SLAMF1: variants seen among roughly 807,000 people sequenced by gnomAD.
The protein encoded by SLAMF1 is signaling lymphocytic activation molecule.
A neutral mutation model predicts 35.1 loss-of-function variants in SLAMF1; 18 were observed. The ratio of observed to expected loss-of-function variants is 0.51; its 90% CI spans 0.35 to 0.76. The LOEUF is 0.76. SLAMF1 is among the 30% of genes least tolerant of loss of function. The pLI is 0.01. For missense variants in SLAMF1, 392 were observed against 413.0 expected (o/e 0.95, Z 0.44); for synonymous variants, 168 against 157.2 (o/e 1.07, Z -0.51).
At chr1:160,632,376 C>T (rs1410322153) in intron 3 of SLAMF1, among the ~76,000 whole-genome samples, 2 of 152,138 alleles carry the variant, frequency 1.3e-5, no homozygotes, top group Non-Finnish European at 2.9e-5. Flanking sequence ...CAGGGCCCTT[C>T]CTGTGGTGCC....
chr1:160,643,717 T>C (rs1241419118), intron 1 of SLAMF1, among the ~76,000 whole-genome samples: 1 of 152,248 alleles, frequency 6.6e-6, no homozygotes, highest in Non-Finnish European at 1.5e-5. Flanking sequence ...ATCGGGTTAA[T>C]TGGGATATGT....
At chr1:160,645,085 A>G (rs1660966131) in intron 1 of SLAMF1, among the ~76,000 whole-genome samples, 1 of 152,210 alleles carries the variant, frequency 6.6e-6, no homozygotes, top group South Asian at 2.1e-4. Context: ...AAGTCTATTA[A>G]AACAAATCTC....
intron 5 of SLAMF1, among the ~76,000 whole-genome samples, chr1:160,618,424 A>G (rs1659428536): frequency 6.8e-6 from 1 of 147,942 alleles, no homozygotes; most frequent in African/African-American, 2.6e-5. Flanking sequence ...GTGTGTGTGT[A>G]AAATGGAGGA....
intron 2 of SLAMF1, among the ~76,000 whole-genome samples, chr1:160,636,843 CT>C (rs1660477502): frequency 6.6e-6 from 1 of 152,194 alleles, no homozygotes; most frequent in Admixed American, 6.5e-5. Flanking sequence ...TGGTATTCAA[CT>C]TCTTTTAATC....
intron 4 of SLAMF1, among the ~76,000 whole-genome samples, chr1:160,621,239 C>G (rs377534754): frequency 6.6e-6 from 1 of 152,114 alleles, no homozygotes; most frequent in African/African-American, 2.4e-5. Flanking sequence ...TTAAGGTAGA[C>G]TTATTTTAAC....
At chr1:160,615,556 G>A (rs1306233248) in intron 5 of SLAMF1, among the ~76,000 whole-genome samples, 1 of 152,096 alleles carries the variant, frequency 6.6e-6, no homozygotes, top group African/African-American at 2.4e-5. Flanking sequence ...ATATTTAAGG[G>A]GAGAAATAAG....
At chr1:160,617,297 A>T (rs164276) in intron 5 of SLAMF1, among the ~76,000 whole-genome samples, 58,582 of 152,086 alleles carry the variant, frequency 0.39, 14,773 homozygotes, top group African/African-American at 0.72. Flanking sequence ...ACGATTCAGC[A>T]GTTCTACTTC....
At chr1:160,646,814 C>T (rs1009166631) in intron 1 of SLAMF1, 56 bp downstream of exon 1, 32 of 957,804 alleles carry the variant, frequency 3.3e-5, no homozygotes, top group Middle Eastern at 4.2e-4. Flanking sequence ...CACGAAGATA[C>T]GCTGATTCCT....
intron 1 of SLAMF1, 107 bp downstream of exon 1, chr1:160,646,763 G>C (rs1661057582): frequency 1.5e-6 from 1 of 679,412 alleles, no homozygotes; most frequent in Non-Finnish European, 2.8e-6. Flanking sequence ...CTAAGGAAGA[G>C]TGACCAAACA....
intron 2 of SLAMF1, among the ~76,000 whole-genome samples, chr1:160,635,861 G>C (rs1660429014): frequency 6.6e-6 from 1 of 151,882 alleles, no homozygotes; most frequent in South Asian, 2.1e-4. Flanking sequence ...TTACAGGCGT[G>C]AGCCACCTCA....
At chr1:160,639,951 T>C (rs1344721339) in intron 1 of SLAMF1, among the ~76,000 whole-genome samples, 1 of 152,108 alleles carries the variant, frequency 6.6e-6, no homozygotes, top group Non-Finnish European at 1.5e-5. Flanking sequence ...TGTTCCTCTC[T>C]CTGAAGAATT....
intron 5 of SLAMF1, among the ~76,000 whole-genome samples, chr1:160,614,751 C>A (rs57287283): frequency 6.6e-6 from 1 of 152,042 alleles, no homozygotes; most frequent in Non-Finnish European, 1.5e-5. Context: ...AAGAAGTCAC[C>A]CATAGTCCTA....
intron 5 of SLAMF1, among the ~76,000 whole-genome samples, chr1:160,618,571 C>T (rs574858416): frequency 1.3e-5 from 2 of 152,164 alleles, no homozygotes; most frequent in African/African-American, 4.8e-5. Flanking sequence ...GAGTAGAGAA[C>T]AGACTCCAGT....
In SLAMF1 at chr1:160,610,748, TC is replaced by T; in HGVS notation, c.1007del (p.Ter336TyrfsTer56). 6.2e-7 allele frequency: 1 copy of T among 1,611,348 alleles called. No homozygotes were observed. Among genetic ancestry groups the T allele is most frequent in the Non-Finnish European group, 8.5e-7 (1 of 1,177,514 alleles). ...AAAGTCCCTTTGTTGGTCTCTGGTG[TC>T]AGCTCTCTGGAAGTGTCACACTAGC... ...VYASVTLPES* is the reference protein window; with the variant it reads ...VYASVTLPESX On this transcript the variant is annotated frameshift_variant and stop_lost, in exon 7 of 7. Transcript: ENST00000302035. LOFTEE classifies it high-confidence loss of function.
chr1:160,612,501 G>A lies in SLAMF1; in HGVS notation c.944C>T (p.Pro315Leu), dbSNP rs1659042702. ...TIYVAATEPV[P>L]ESVQETNSIT... ...GAGATGCCTCACCTGGACAGACTCT[G>A]GGACAGGCTCTGTGGCAGCAACATA... Residue 315 changes from proline (P) to leucine (L), a missense_variant, in exon 6 of 7, where the codon CCA becomes CTA. By Grantham distance (98) the Pro-to-Leu change is moderately conservative. Coordinates refer to ENST00000302035, the MANE Select transcript of SLAMF1 (RefSeq NM_003037.5). 6.2e-7 allele frequency: 1 copy of A among 1,610,524 alleles called. No homozygotes were observed. Among genetic ancestry groups the A allele is most frequent in the Non-Finnish European group, 8.5e-7 (1 of 1,177,316 alleles).
At chr1:160,623,677 G>A in intron 4 of SLAMF1, 1 of 399,874 alleles carries the variant, frequency 2.5e-6, no homozygotes, top group Non-Finnish European at 4.4e-6. Flanking sequence ...TCAACTGCAG[G>A]GGAATAATTG....
Position 160,637,432 on chromosome 1 carries a change from T to C in SLAMF1, c.174A>G (p.Lys58=). 1 of 1,614,118 alleles carries C rather than the reference T, an allele frequency of 6.2e-7. No individual in the cohort carries two copies. The highest frequency in any genetic ancestry group is 8.5e-7 in the Non-Finnish European group (1 of 1,179,988). ...CCATTGTGACGACAATGTGGATGCTTTTGTTCATGCTCTTATTTATCCTTT... is the reference window on the plus strand; with the variant it reads ...CCATTGTGACGACAATGTGGATGCTCTTGTTCATGCTCTTATTTATCCTTT... ...TYERINKSMN[K]SIHIVVTMAK... Residue 58 remains lysine (K), a synonymous_variant, in exon 2 of 7, where the codon AAA becomes AAG. Coordinates refer to ENST00000302035, the MANE Select transcript of SLAMF1 (RefSeq NM_003037.5).
At chr1:160,626,690 T>A (rs1570986263) in intron 3 of SLAMF1, among the ~76,000 whole-genome samples, 1 of 152,134 alleles carries the variant, frequency 6.6e-6, no homozygotes. Context: ...ATTTTGTGGT[T>A]TGTGCTTTAG....
At chr1:160,612,726 A>G (rs1659070727) in intron 5 of SLAMF1, 146 bp from the exon 6 acceptor site, 1 of 584,090 alleles carries the variant, frequency 1.7e-6, no homozygotes, top group Non-Finnish European at 3.1e-6. Context: ...TCAGGTGGGA[A>G]TTCTCCCCCA....
Sources: allele counts gnomAD v4.1 joint callset (sites outside exome capture counted in the v4.1 genomes callset), GRCh38; gene constraint gnomAD v4.1.1; transcripts MANE v1.5; gene names NCBI Gene and HGNC (gene_info 2026-07-23, HGNC 2026-07-21).